REPS2: variants seen among roughly 807,000 people sequenced by gnomAD.
REPS2 encodes the protein RALBP1 associated Eps domain containing 2, also known as ralBP1-associated Eps domain-containing protein 2.
Under a neutral mutation model 53.6 loss-of-function variants are expected in REPS2, and 23 were observed. That is an observed-to-expected ratio of 0.43 (90% confidence interval 0.31 to 0.61). The LOEUF is 0.61. REPS2 is among the 20% of genes least tolerant of loss of function. The pLI is 0.11. For missense variants in REPS2, 446 were observed against 534.9 expected, an observed-to-expected ratio of 0.83 and a Z score of 1.64; for synonymous variants, 238 against 218.6, an observed-to-expected ratio of 1.09 and a Z score of -0.78.
intron 9 of REPS2, among the ~76,000 whole-genome samples, chrX:17,063,285 C>T (rs1389480262): frequency 8.9e-6 from 1 of 112,034 alleles, no homozygotes; most frequent in African/African-American, 3.3e-5. Flanking sequence ...TATTCACAGA[C>T]TCCATAATAG....
At chrX:17,076,505 C>T (rs768543873) in intron 12 of REPS2, among the ~76,000 whole-genome samples, 6 of 111,783 alleles carry the variant, frequency 5.4e-5, no homozygotes, top group African/African-American at 1.6e-4. Context: ...AGTATTCCCC[C>T]GCCAACTCAT....
intron 1 of REPS2, among the ~76,000 whole-genome samples, chrX:16,965,711 G>A (rs746978741): frequency 9.8e-5 from 11 of 112,764 alleles, no homozygotes; most frequent in South Asian, 7.2e-4. Context: ...ATGGGATGGC[G>A]GCTGGGCAGA....
At chrX:17,047,645 C>T (rs2061926410) in intron 6 of REPS2, among the ~76,000 whole-genome samples, 163 bp downstream of exon 6, 1 of 112,522 alleles carries the variant, frequency 8.9e-6, no homozygotes, top group African/African-American at 3.2e-5. Context: ...AGAAAAGTTG[C>T]CAATGACGTT....
At chrX:16,959,513 G>T (rs1421103928) in intron 1 of REPS2, among the ~76,000 whole-genome samples, 1 of 112,012 alleles carries the variant, frequency 8.9e-6, no homozygotes, top group Non-Finnish European at 1.9e-5. Context: ...TCTGCTAGGA[G>T]TAGCTACATA....
chrX:17,019,741 C>T (rs1345875909), intron 2 of REPS2, among the ~76,000 whole-genome samples: 1 of 111,372 alleles, frequency 9.0e-6, no homozygotes, highest in Non-Finnish European at 1.9e-5. Context: ...GCAGGAGGAT[C>T]AGTTGAGTCT....
Position 17,103,722 on chromosome X carries a change from C to T in REPS2, c.1521C>T (p.Thr507=). 2 of 1,209,720 alleles carry T rather than the reference C, an allele frequency of 1.7e-6. No homozygotes were observed. The highest frequency in any genetic ancestry group is 3.5e-5 in the African/African-American group (2 of 57,503). The change falls in exon 14 of 18, where the codon ACC becomes ACT. Residue 507 remains threonine (T), a synonymous_variant. Transcript: ENST00000357277. The part of the protein sequence containing the change: ...NKVFQPSVPA[T]KSGLLPPPPA... The stretch of plus-strand genomic sequence containing the variant: ...AGTATGTGTTTTTCTTTTCAGCTAC[C>T]AAGTCAGGATTGTTACCCCCACCAC...
At chrX:17,134,328 C>T (rs894998406) in intron 15 of REPS2, among the ~76,000 whole-genome samples, 1 of 111,589 alleles carries the variant, frequency 9.0e-6, no homozygotes, top group Non-Finnish European at 1.9e-5. Flanking sequence ...GGCATCTGCC[C>T]AGCCATGCCA....
At chrX:16,970,846 A>G (rs1376795703) in intron 1 of REPS2, among the ~76,000 whole-genome samples, 1 of 112,616 alleles carries the variant, frequency 8.9e-6, no homozygotes, top group Non-Finnish European at 1.9e-5. Flanking sequence ...TCTTATTGCC[A>G]GTTCTGCTGT....
Position 17,029,618 on chromosome X carries a change from A to G in REPS2, c.766A>G (p.Ile256Val). 8.4e-7 allele frequency: 1 copy of G among 1,195,757 alleles called. No homozygotes were observed. Among genetic ancestry groups the G allele is most frequent in the Non-Finnish European group, 1.1e-6 (1 of 881,303 alleles). Reference sequence around the variant, plus strand: ...GCCCCTTCGGCATCAGGCTTCCCTTATCCGGGTAAGTGATGATGCAGGGTT... The same window carrying G: ...GCCCCTTCGGCATCAGGCTTCCCTTGTCCGGGTAAGTGATGATGCAGGGTT... The part of the protein sequence containing the change: ...TKPLRHQASL[I>V]RSFSVERELQ... The change falls in exon 5 of 18, where the codon ATC becomes GTC. Residue 256 changes from isoleucine (I) to valine (V), a missense_variant. By Grantham distance (29) the Ile-to-Val change is conservative. Coordinates refer to ENST00000357277, the MANE Select transcript of REPS2 (RefSeq NM_004726.3).
intron 1 of REPS2, among the ~76,000 whole-genome samples, chrX:16,948,207 A>T (rs770994981): frequency 2.7e-5 from 3 of 112,619 alleles, no homozygotes; most frequent in South Asian, 3.6e-4. Flanking sequence ...ACGTATTTTT[A>T]AAAAAATTGC....
intron 13 of REPS2, among the ~76,000 whole-genome samples, chrX:17,095,805 G>C (rs2062689402): frequency 9.0e-6 from 1 of 110,882 alleles, no homozygotes; most frequent in Non-Finnish European, 1.9e-5. Flanking sequence ...GGTTTTTATT[G>C]CTTTCCTCAT....
intron 1 of REPS2, among the ~76,000 whole-genome samples, chrX:16,963,116 T>A (rs1321981895): frequency 9.0e-6 from 1 of 111,619 alleles, no homozygotes; most frequent in Non-Finnish European, 1.9e-5. Context: ...AAAAAAAGAT[T>A]AAAAAATAGT....
chrX:17,099,117 A>T (rs1167499388), intron 13 of REPS2, among the ~76,000 whole-genome samples: 1 of 111,650 alleles, frequency 9.0e-6, no homozygotes, highest in South Asian at 3.8e-4. Context: ...GGCAGGGAAC[A>T]CCATGGCTTA....
intron 11 of REPS2, among the ~76,000 whole-genome samples, 162 bp downstream of exon 11, chrX:17,070,155 C>A (rs1389531901): frequency 8.9e-6 from 1 of 111,865 alleles, no homozygotes; most frequent in Non-Finnish European, 1.9e-5. Flanking sequence ...GCTTTTTACC[C>A]TTTCTCTCTT....
chrX:17,080,868 T>C (rs931052320), intron 13 of REPS2, among the ~76,000 whole-genome samples: 3 of 111,835 alleles, frequency 2.7e-5, no homozygotes, highest in Non-Finnish European at 3.8e-5. Context: ...GGACCACTTC[T>C]TTCTTCTTCA....
chrX:17,029,663 G>C (rs765533557), intron 5 of REPS2, 40 bp downstream of exon 5: 5 of 1,001,065 alleles, frequency 5.0e-6, no homozygotes, highest in Non-Finnish European at 7.0e-6. Context: ...GGACAGTAGA[G>C]TCAAGCTTTG....
chrX:17,118,937 G>T lies in REPS2; in HGVS notation c.1579-14887G>T, dbSNP rs1216368866. 2.7e-5 allele frequency among the ~76,000 whole-genome samples: 3 copies of T among 112,347 alleles called. No individual in the cohort carries two copies. The East Asian group carries it at 8.3e-4, about 31-fold the overall frequency. ...TTTTGCATAATAAATAATTATTTAT[G>T]CATTTCAAAATTGATTTTAAGAGTA... On this transcript the variant is annotated intron_variant, in intron 14 of 17. Transcript: ENST00000357277.
At chrX:17,184,598 C>T in the REPS2 span, among the ~76,000 whole-genome samples, 2 of 109,519 alleles carry the variant, frequency 1.8e-5, no homozygotes, top group South Asian at 4.1e-4. Flanking sequence ...CCTGAGGAAT[C>T]GCCACACTGA....
At chrX:17,191,416 A>G in the REPS2 span, among the ~76,000 whole-genome samples, 4 of 112,544 alleles carry the variant, frequency 3.6e-5, no homozygotes, top group East Asian at 1.1e-3. Context: ...AATAACTACA[A>G]TTTTTTAAAA....
Sources: allele counts gnomAD v4.1 joint callset (sites outside exome capture counted in the v4.1 genomes callset), GRCh38; gene constraint gnomAD v4.1.1; transcripts MANE v1.5; gene names NCBI Gene and HGNC (gene_info 2026-07-23, HGNC 2026-07-21).